MCF2: variants seen among roughly 807,000 people sequenced by gnomAD.
MCF2 encodes MCF.2 cell line derived transforming sequence.
MCF2 carries 44 observed loss-of-function variants against 82.5 expected under a neutral mutation model. The ratio of observed to expected loss-of-function variants is 0.53; its 90% CI spans 0.42 to 0.69. The LOEUF (loss-of-function observed/expected upper bound fraction) is 0.69. MCF2 is among the 30% of genes least tolerant of loss of function. The probability of loss-of-function intolerance (pLI) is 0.00; values close to 1 mark genes in which losing one functional copy is unlikely to be tolerated. For missense variants in MCF2, 623 were observed against 663.1 expected (o/e 0.94, Z 0.66); for synonymous variants, 217 against 224.9 (o/e 0.96, Z 0.32).
chrX:139,596,130 G>A (rs112773910), intron 19 of MCF2, among the ~76,000 whole-genome samples: 1,834 of 111,067 alleles, frequency 0.017, 33 homozygotes, highest in African/African-American at 0.057. Context: ...TTTTTAAATT[G>A]CATTGAGGAA....
chrX:139,672,809 T>A (rs1263259835), intron 1 of MCF2, among the ~76,000 whole-genome samples: 4 of 112,049 alleles, frequency 3.6e-5, no homozygotes, highest in Non-Finnish European at 5.6e-5. Context: ...GGCTTTGGTA[T>A]CAGGATGATG....
In MCF2 at chrX:139,668,767, C is replaced by A. The variant is rs144598206; in HGVS notation, c.-44-16979G>T. 8.0e-3 allele frequency among the ~76,000 whole-genome samples: 887 copies of A among 111,430 alleles called. 11 individuals carry two copies. Among genetic ancestry groups the A allele is most frequent in the African/African-American group, 0.028 (853 of 30,651 alleles). On this transcript the variant is annotated intron_variant, in intron 1 of 27. Transcript: ENST00000414978. ...TTTCTATTCAGCCATCATGATACGT[C>A]TCTCAAATGACTTTTGACAAGAACA... is the stretch of plus-strand genomic sequence containing the variant.
At chrX:139,588,497 T>A in intron 20 of MCF2, 59 bp from the exon 25 acceptor site, 1 of 710,501 alleles carries the variant, frequency 1.4e-6, no homozygotes, top group Non-Finnish European at 2.2e-6. Context: ...AAAAAGGATG[T>A]ACTATAATAA....
intron 1 of MCF2, among the ~76,000 whole-genome samples, chrX:139,693,146 A>T (rs753554572): frequency 2.0e-4 from 22 of 111,550 alleles, no homozygotes; most frequent in African/African-American, 5.9e-4. Flanking sequence ...GGAAAAGGGT[A>T]TGCAGGACCT....
At chrX:139,631,300 TTTTG>T (rs1369783919) in intron 3 of MCF2, 91 bp downstream of exon 6, 4 of 457,031 alleles carry the variant, frequency 8.8e-6, no homozygotes, top group Non-Finnish European at 1.4e-5. Context: ...TTTTGTTTTG[TTTTG>T]TTTTTTTCAA....
intron 1 of MCF2, among the ~76,000 whole-genome samples, chrX:139,636,880 C>T (rs752068523): frequency 9.0e-6 from 1 of 111,686 alleles, no homozygotes; most frequent in African/African-American, 3.2e-5. Flanking sequence ...CAAACATTGA[C>T]GGCTATATAA....
chrX:139,610,304 T>C, exon 11 of MCF2: 1 of 1,164,076 alleles, frequency 8.6e-7, no homozygotes, highest in South Asian at 1.9e-5. Flanking sequence ...TATTTACTTT[T>C]AAGTTGCTCT....
At chrX:139,692,047 C>T in intron 1 of MCF2, 1 of 1,166,229 alleles carries the variant, frequency 8.6e-7, no homozygotes, top group South Asian at 1.9e-5. Context: ...AAAGTGCAGC[C>T]ATCTGGGTTC....
At chrX:139,656,709 T>C (rs17284796) in intron 1 of MCF2, among the ~76,000 whole-genome samples, 10,939 of 111,844 alleles carry the variant, frequency 0.098, 449 homozygotes, top group South Asian at 0.22. Flanking sequence ...TAGATAAAGT[T>C]GTGACACTGA....
At chrX:139,690,015 C>T (rs1025676025) in intron 1 of MCF2, among the ~76,000 whole-genome samples, 2 of 112,384 alleles carry the variant, frequency 1.8e-5, no homozygotes, top group Non-Finnish European at 3.7e-5. Context: ...ATCCATTTTA[C>T]ATTTAAAATT....
intron 19 of MCF2, among the ~76,000 whole-genome samples, chrX:139,594,905 A>C (rs1325326507): frequency 9.0e-5 from 10 of 111,374 alleles, no homozygotes; most frequent in African/African-American, 3.3e-4. Context: ...CCCCATCAAA[A>C]AGTGGGCGAA....
intron 1 of MCF2, among the ~76,000 whole-genome samples, chrX:139,652,719 T>C (rs895702316): frequency 1.8e-5 from 2 of 111,080 alleles, no homozygotes; most frequent in Non-Finnish European, 1.9e-5. Flanking sequence ...TGGTTTCACA[T>C]CTCTTACTGA....
At chrX:139,615,161 A>G (rs1237671885) in intron 9 of MCF2, 109 bp from the exon 13 acceptor site, 1 of 568,933 alleles carries the variant, frequency 1.8e-6, no homozygotes, top group Admixed American at 3.3e-5. Context: ...AGAGTTTAAA[A>G]TATAACTACA....
intron 19 of MCF2, among the ~76,000 whole-genome samples, chrX:139,593,070 G>A (rs1275122395): frequency 8.9e-6 from 1 of 111,775 alleles, no homozygotes; most frequent in Non-Finnish European, 1.9e-5. Context: ...AAGGACAATC[G>A]TTTTCTCTAT....
chrX:139,666,812 C>T (rs767422083), intron 1 of MCF2, among the ~76,000 whole-genome samples: 7 of 111,996 alleles, frequency 6.3e-5, no homozygotes, highest in Non-Finnish European at 1.3e-4. Context: ...CTAATCTCTT[C>T]ATTTTCTCTT....
intron 1 of MCF2, among the ~76,000 whole-genome samples, chrX:139,680,109 C>T (rs1383056898): frequency 9.0e-6 from 1 of 111,371 alleles, no homozygotes; most frequent in Non-Finnish European, 1.9e-5. Flanking sequence ...TCCATCTTTA[C>T]TTATTTTTTA....
chrX:139,667,521 G>A (rs779095951), intron 1 of MCF2, among the ~76,000 whole-genome samples: 3 of 111,683 alleles, frequency 2.7e-5, no homozygotes, highest in Non-Finnish European at 5.6e-5. Flanking sequence ...AGGAGTTTAG[G>A]TCGTACATCC....
At chrX:139,598,219 C>T (rs1036098926) in intron 17 of MCF2, among the ~76,000 whole-genome samples, 187 bp downstream of exon 21, 2 of 112,237 alleles carry the variant, frequency 1.8e-5, no homozygotes, top group Non-Finnish European at 3.8e-5. Context: ...AGCCTGATAT[C>T]TATGCCTATG....
rs1248345709 is a variant in MCF2 at position 139,593,474 on chromosome X, C to T, written c.2277+3075G>A. ...CCAGAGGTACAAGGAGGAACTGGTACCATTCCTTCTGAAACTATTCCAATC... is the reference window on the plus strand; with the variant it reads ...CCAGAGGTACAAGGAGGAACTGGTATCATTCCTTCTGAAACTATTCCAATC... On this transcript the variant is annotated intron_variant, in intron 19 of 24. Transcript: ENST00000370576. Among the ~76,000 whole-genome samples, 10 of 110,947 alleles carry T rather than the reference C, an allele frequency of 9.0e-5. No homozygotes were observed. In the Admixed American group the frequency reaches 9.6e-4, roughly 11 times the overall value.
Sources: gnomAD v4.1 joint callset for allele counts (sites outside exome capture counted in the v4.1 genomes callset) on GRCh38, gnomAD v4.1.1 for gene constraint, MANE v1.5 for transcripts, NCBI Gene and HGNC (gene_info 2026-07-23, HGNC 2026-07-21) for gene names.